The following USH2A variants were observed in gnomAD, a reference collection of about 807,000 sequenced individuals.
USH2A encodes the protein Usher syndrome 2A (autosomal recessive, mild).
In USH2A, 443 loss-of-function variants were observed where a neutral mutation model predicts 538.9. The ratio of observed to expected loss-of-function variants is 0.82; its 90% CI spans 0.76 to 0.89. The LOEUF (loss-of-function observed/expected upper bound fraction) is 0.89, where lower values mean the gene tolerates loss of function less well. Ranked by LOEUF, USH2A falls within the 40% of genes least tolerant of loss-of-function variation. The probability of loss-of-function intolerance (pLI) is 0.00; values close to 1 mark genes in which losing one functional copy is unlikely to be tolerated. For synonymous variants in USH2A, 2,413 were observed against 2,273.5 expected, an observed-to-expected ratio of 1.06 and a Z score of -1.75; for missense variants, 6,633 against 6,324.8, an observed-to-expected ratio of 1.05 and a Z score of -1.65.
intron 61 of USH2A, among the ~76,000 whole-genome samples, chr1:215,710,582 T>TC (rs1468732006): frequency 5.3e-5 from 8 of 152,028 alleles, no homozygotes; most frequent in African/African-American, 1.9e-4. Flanking sequence ...AAGGAAAGGG[T>TC]CCTACGGCTC....
intron 41 of USH2A, among the ~76,000 whole-genome samples, chr1:215,880,865 T>G (rs1334956874): frequency 6.6e-6 from 1 of 152,172 alleles, no homozygotes; most frequent in Admixed American, 6.6e-5. Context: ...TGCCTAGGTT[T>G]TCTTCTAGGG....
At chr1:216,107,019 A>G (rs1194496793) in intron 21 of USH2A, among the ~76,000 whole-genome samples, 2 of 151,866 alleles carry the variant, frequency 1.3e-5, no homozygotes, top group South Asian at 2.1e-4. Context: ...AGATTCTTTT[A>G]TGGCCCAGCA....
At chr1:216,159,537 T>TACACACACAC (rs60343349) in intron 21 of USH2A, among the ~76,000 whole-genome samples, 2,523 of 146,900 alleles carry the variant, frequency 0.017, 63 homozygotes, top group African/African-American at 0.052. Flanking sequence ...TTTATTTATG[T>TACACACACAC]ACACACACAC....
At chr1:216,419,748 C>T (rs1428541642) in intron 2 of USH2A, among the ~76,000 whole-genome samples, 2 of 152,026 alleles carry the variant, frequency 1.3e-5, no homozygotes, top group African/African-American at 4.8e-5. Flanking sequence ...ATCAGAGAGG[C>T]AAATGTATAA....
At chr1:216,387,817 G>A (rs949829737) in intron 3 of USH2A, among the ~76,000 whole-genome samples, 4 of 152,002 alleles carry the variant, frequency 2.6e-5, no homozygotes, top group African/African-American at 7.2e-5. Flanking sequence ...AACCTGAAAG[G>A]ACACCTCCAT....
intron 22 of USH2A, among the ~76,000 whole-genome samples, chr1:216,090,660 ACATTT>A (rs2032277430): frequency 6.6e-6 from 1 of 152,100 alleles, no homozygotes; most frequent in Admixed American, 6.6e-5. Context: ...TTACAAACAC[ACATTT>A]CATTATCGTA....
At position 215,703,752 on chromosome 1, in the gene USH2A, A is replaced by G. The variant is rs866671322; in HGVS notation, c.12067-23376T>C. 1.2e-4 allele frequency among the ~76,000 whole-genome samples: 18 copies of G among 152,206 alleles called. 1 individual carries two copies. The highest frequency in any genetic ancestry group is 3.9e-4 in the Admixed American group (6 of 15,294). On this transcript the variant is annotated intron_variant, in intron 61 of 71. Transcript: ENST00000307340. Reference sequence around the variant, plus strand: ...AGTAGGTCTTAGCTTGCTGGGCTCCATGGGGGTGGGATCCACTGAGCAAGA... The same window carrying G: ...AGTAGGTCTTAGCTTGCTGGGCTCCGTGGGGGTGGGATCCACTGAGCAAGA...
At chr1:216,323,275 T>TA (rs2037652780) in intron 8 of USH2A, among the ~76,000 whole-genome samples, 199 bp downstream of exon 8, 3 of 84,184 alleles carry the variant, frequency 3.6e-5, no homozygotes, top group Admixed American at 2.6e-4. Context: ...TAAAATACGT[T>TA]TTATATATAT....
intron 46 of USH2A, among the ~76,000 whole-genome samples, chr1:215,838,697 C>T (rs1013843754): frequency 2.0e-5 from 3 of 151,890 alleles, no homozygotes; most frequent in African/African-American, 2.4e-5. Flanking sequence ...GAATAAAAAC[C>T]GAGGAGGGTG....
At position 216,048,539 on chromosome 1, in the gene USH2A, T is replaced by G; in HGVS notation, c.6158A>C (p.Gln2053Pro). Residue 2053 changes from glutamine to proline, a missense_variant, in exon 31 of 72, where the codon CAA (glutamine) becomes CCA (proline). Physicochemically the swap from Gln to Pro is moderately conservative, Grantham distance 76. Transcript: ENST00000307340. The stretch of plus-strand genomic sequence containing the variant: ...GACCTTTGAAATTACTTTACCTTCT[T>G]GTGGAGTAGAGATGTTCAATGCATG... ...SSHALNISTP[Q>P]EAPQEVQPPV... The G allele has an allele frequency of 6.2e-7, 1 of 1,613,814 alleles. No homozygotes were observed. Among genetic ancestry groups the G allele is most frequent in the Non-Finnish European group, 8.5e-7 (1 of 1,179,688 alleles).
At chr1:216,183,180 T>C (rs943882125) in intron 20 of USH2A, among the ~76,000 whole-genome samples, 1 of 151,730 alleles carries the variant, frequency 6.6e-6, no homozygotes, top group Non-Finnish European at 1.5e-5. Flanking sequence ...CATCCTTTCA[T>C]TTGTTTGTTT....
chr1:216,309,832 T>C (rs558646274), intron 9 of USH2A, among the ~76,000 whole-genome samples: 3 of 152,298 alleles, frequency 2.0e-5, no homozygotes, highest in East Asian at 3.9e-4. Context: ...AGCCTGTTGA[T>C]GTGAGGAATT....
chr1:216,377,854 AGAAAGAAAGAAAGAAG>A (rs1365331541), intron 3 of USH2A, among the ~76,000 whole-genome samples: 7 of 139,424 alleles, frequency 5.0e-5, no homozygotes, highest in African/African-American at 1.9e-4. Flanking sequence ...AAAGAAAGAA[AGAAAGAAAGAAAGAAG>A]GAAAGAAAGA....
chr1:215,957,910 CG>C (rs1667108191), intron 37 of USH2A, among the ~76,000 whole-genome samples: 1 of 152,112 alleles, frequency 6.6e-6, no homozygotes, highest in Non-Finnish European at 1.5e-5. Context: ...CCCCCACTGG[CG>C]GGTTTTCCCA....
intron 11 of USH2A, among the ~76,000 whole-genome samples, chr1:216,268,617 T>A (rs1379169135): frequency 6.6e-6 from 1 of 152,122 alleles, no homozygotes; most frequent in Non-Finnish European, 1.5e-5. Context: ...GGACCAATTA[T>A]TTGCAGCTTG....
At chr1:215,656,325 C>A (rs1344198621) in intron 64 of USH2A, among the ~76,000 whole-genome samples, 1 of 152,120 alleles carries the variant, frequency 6.6e-6, no homozygotes, top group Non-Finnish European at 1.5e-5. Flanking sequence ...ATAAGAAAAA[C>A]CCCTAAATTG....
chr1:215,688,737 G>C (rs1658510540), intron 61 of USH2A, among the ~76,000 whole-genome samples: 1 of 152,022 alleles, frequency 6.6e-6, no homozygotes, highest in Admixed American at 6.6e-5. Context: ...TAATCCTATA[G>C]GATGAAGGTC....
intron 58 of USH2A, among the ~76,000 whole-genome samples, chr1:215,754,832 G>A (rs1210169571): frequency 1.3e-5 from 2 of 152,210 alleles, no homozygotes; most frequent in African/African-American, 2.4e-5. Flanking sequence ...TAATTCACCA[G>A]TCTCACTTGG....
intron 11 of USH2A, among the ~76,000 whole-genome samples, chr1:216,269,744 T>C (rs1003408786): frequency 6.6e-6 from 1 of 152,148 alleles, no homozygotes; most frequent in African/African-American, 2.4e-5. Flanking sequence ...TGCCTTGTGA[T>C]CACACCCAGG....
Sources: gnomAD v4.1 joint callset for allele counts (sites outside exome capture counted in the v4.1 genomes callset) on GRCh38, gnomAD v4.1.1 for gene constraint, MANE v1.5 for transcripts, NCBI Gene and HGNC (gene_info 2026-07-23, HGNC 2026-07-21) for gene names.